ARPC2: variants seen among roughly 807,000 people sequenced by gnomAD.
ARPC2 encodes the protein actin-related protein 2/3 complex subunit 2.
Under a neutral mutation model 38.6 loss-of-function variants are expected in ARPC2, and 4 were observed. That is an observed-to-expected ratio of 0.10 (90% CI 0.05 to 0.24). The LOEUF is 0.24. ARPC2 is among the 10% of genes least tolerant of loss of function. The pLI, the probability that ARPC2 is intolerant of heterozygous loss-of-function variation, is 1.00. For synonymous variants in ARPC2, 125 were observed against 140.8 expected (o/e 0.89, Z 0.79); for missense variants, 229 against 387.3 (o/e 0.59, Z 3.43).
At chr2:218,245,814 A>G (rs1477065677) in intron 8 of ARPC2, among the ~76,000 whole-genome samples, 1 of 152,148 alleles carries the variant, frequency 6.6e-6, no homozygotes, top group African/African-American at 2.4e-5. Flanking sequence ...TCTGATATCA[A>G]GAGTTAAGGT....
chr2:218,243,759 GA>G lies in ARPC2; in HGVS notation c.550-1660del, dbSNP rs1689968488. Among the ~76,000 whole-genome samples, 3 of 152,346 alleles carry G rather than the reference GA, an allele frequency of 2.0e-5. No homozygotes were observed. The South Asian group carries it at 6.2e-4, about 32-fold the overall frequency. The stretch of plus-strand genomic sequence containing the variant: ...CCACTGCACTCCAGCCTGGGTGACA[GA>G]GTGAGACCCTGTCTCAAAAAAGAAA... On this transcript the variant is annotated intron_variant, in intron 7 of 10. Coordinates refer to ENST00000315717, the MANE Select transcript of ARPC2 (RefSeq NM_152862.3).
intron 2 of ARPC2, among the ~76,000 whole-genome samples, chr2:218,219,178 A>C (rs1689327333): frequency 6.6e-6 from 1 of 152,252 alleles, no homozygotes; most frequent in South Asian, 2.1e-4. Context: ...CTTTTAACAT[A>C]GGAGTACATT....
At chr2:218,243,126 T>C (rs1235750222) in intron 7 of ARPC2, among the ~76,000 whole-genome samples, 1 of 152,224 alleles carries the variant, frequency 6.6e-6, no homozygotes, top group Non-Finnish European at 1.5e-5. Context: ...TGAGAGCTCC[T>C]CTTGTTGTAT....
intron 2 of ARPC2, among the ~76,000 whole-genome samples, chr2:218,218,363 C>T (rs912055687): frequency 7.2e-5 from 11 of 152,372 alleles, no homozygotes; most frequent in African/African-American, 1.9e-4. Context: ...TCTTAGATAA[C>T]CTGTCTTTAC....
chr2:218,232,714 C>T (rs1481518832), intron 4 of ARPC2, among the ~76,000 whole-genome samples: 4 of 151,876 alleles, frequency 2.6e-5, no homozygotes, highest in Non-Finnish European at 4.4e-5. Flanking sequence ...GTACTACAGG[C>T]GCCTGCCACC....
chr2:218,249,508 T>C, intron 9 of ARPC2, 44 bp downstream of exon 9: 2 of 1,429,578 alleles, frequency 1.4e-6, no homozygotes, highest in Non-Finnish European at 1.9e-6. Context: ...TCTGGGTCTT[T>C]TCCTCCACCA....
intron 9 of ARPC2, 110 bp from the exon 10 acceptor site, chr2:218,249,711 T>C: frequency 9.3e-7 from 1 of 1,069,890 alleles, no homozygotes; most frequent in Non-Finnish European, 1.4e-6. Flanking sequence ...CCTGGGTCAA[T>C]CCCAGGGTGT....
At chr2:218,249,248 C>T in intron 8 of ARPC2, 116 bp from the exon 9 acceptor site, 1 of 681,892 alleles carries the variant, frequency 1.5e-6, no homozygotes, top group South Asian at 1.8e-5. Flanking sequence ...GTAATACTGA[C>T]ACAAGTGGAG....
At chr2:218,253,737 C>T (rs775699669) in intron 10 of ARPC2, among the ~76,000 whole-genome samples, 154 bp from the exon 11 acceptor site, 1 of 152,122 alleles carries the variant, frequency 6.6e-6, no homozygotes, top group Non-Finnish European at 1.5e-5. Context: ...AGATTTTAGC[C>T]GATGTCCTGT....
chr2:218,222,672 G>C (rs897490148), intron 2 of ARPC2, among the ~76,000 whole-genome samples: 1 of 152,252 alleles, frequency 6.6e-6, no homozygotes, highest in Middle Eastern at 3.4e-3. Flanking sequence ...CACAGCTTCA[G>C]AGTCCGATCT....
rs779118927 is a variant in ARPC2, at chr2:218,238,704, G to A, written c.309G>A (p.Pro103=). The A allele has an allele frequency of 7.9e-5, 128 of 1,611,058 alleles. No homozygotes were observed. The highest frequency in any genetic ancestry group is 9.8e-5 in the Non-Finnish European group (115 of 1,179,294). ...VSLLYDLENL[P]ASKDSIVHQA... ...TGCTATATGACCTTGAAAATCTTCC[G>A]GCATCCAAGGATTCCATTGTGCATC... Residue 103 remains proline (P), a synonymous_variant, in exon 6 of 11, where the codon CCG becomes CCA. Transcript: ENST00000315717.
At chr2:218,236,416 C>A (rs1326649199) in intron 5 of ARPC2, 2 of 152,010 alleles carry the variant, frequency 1.3e-5, no homozygotes, top group African/African-American at 4.8e-5. Flanking sequence ...TGGAGTGCCT[C>A]TCCAGTATTA....
intron 4 of ARPC2, among the ~76,000 whole-genome samples, chr2:218,232,567 T>C (rs1689661637): frequency 6.8e-6 from 1 of 145,986 alleles, no homozygotes; most frequent in South Asian, 2.3e-4. Context: ...TTTTTTTTTT[T>C]TTTTGAGACG....
chr2:218,249,809 G>A lies in ARPC2; in HGVS notation c.778-12G>A. The A allele has an allele frequency of 6.2e-7, 1 of 1,609,754 alleles. No individual in the cohort carries two copies. The highest frequency in any genetic ancestry group is 8.5e-7 in the Non-Finnish European group (1 of 1,176,876). ...ATGACTGTGCTTTAGTACCTGTTATGTTTGTTCCCAGGCCTATATTCACAC... is the reference window on the plus strand; with the variant it reads ...ATGACTGTGCTTTAGTACCTGTTATATTTGTTCCCAGGCCTATATTCACAC... On this transcript the variant is annotated splice_polypyrimidine_tract_variant and intron_variant, in intron 9 of 10. Transcript: ENST00000315717.
intron 10 of ARPC2, among the ~76,000 whole-genome samples, chr2:218,251,183 C>CTGTTGTTGTTTTG (rs1690181100): frequency 6.6e-6 from 1 of 150,572 alleles, no homozygotes; most frequent in African/African-American, 2.5e-5. Flanking sequence ...CACCCCAGTA[C>CTGTTGTTGTTTTG]TGTTGTTGTT....
intron 3 of ARPC2, 120 bp downstream of exon 3, chr2:218,226,074 C>T: frequency 1.1e-6 from 1 of 926,532 alleles, no homozygotes; most frequent in Non-Finnish European, 1.7e-6. Flanking sequence ...GCAGGTGGAT[C>T]ACCTGATGTC....
chr2:218,252,946 T>C (rs1439232827), intron 10 of ARPC2: 3 of 456,676 alleles, frequency 6.6e-6, no homozygotes, highest in Non-Finnish European at 1.3e-5. Flanking sequence ...GTGCTGCAGC[T>C]TCTCTTTGGC....
At chr2:218,250,200 G>T (rs780480922) in intron 10 of ARPC2, among the ~76,000 whole-genome samples, 1 of 152,178 alleles carries the variant, frequency 6.6e-6, no homozygotes, top group African/African-American at 2.4e-5. Context: ...TGAGTTATGA[G>T]GTCAGTCTTG....
chr2:218,249,805 T>C lies in ARPC2; in HGVS notation c.778-16T>C, dbSNP rs753488874. The C allele has an allele frequency of 6.2e-7, 1 of 1,605,618 alleles. No homozygotes were observed. The highest frequency in any genetic ancestry group is 8.5e-7 in the Non-Finnish European group (1 of 1,173,504). The stretch of plus-strand genomic sequence containing the variant: ...GACCATGACTGTGCTTTAGTACCTG[T>C]TATGTTTGTTCCCAGGCCTATATTC... On this transcript the variant is annotated splice_polypyrimidine_tract_variant and intron_variant, in intron 9 of 10. Transcript: ENST00000315717.
Sources: allele counts gnomAD v4.1 joint callset (sites outside exome capture counted in the v4.1 genomes callset), GRCh38; gene constraint gnomAD v4.1.1; transcripts MANE v1.5; gene names NCBI Gene and HGNC (gene_info 2026-07-23, HGNC 2026-07-21).